Variants in SNX13 observed in about 807,000 individuals in gnomAD.
SNX13 encodes the protein sorting nexin 13, also known as sorting nexin-13.
A neutral mutation model predicts 133.6 loss-of-function variants in SNX13; 45 were observed. The observed-to-expected ratio is 0.34, with a 90% CI of 0.27 to 0.43. The LOEUF (loss-of-function observed/expected upper bound fraction) is 0.43. SNX13 is among the 20% of genes least tolerant of loss of function. SNX13 has a pLI of 1.00. For missense variants in SNX13, 1,032 were observed against 1,145.1 expected (o/e 0.90, Z 1.43); for synonymous variants, 414 against 373.9 (o/e 1.11, Z -1.24).
chr7:17,844,020 G>C (rs565686778), intron 12 of SNX13, among the ~76,000 whole-genome samples: 2 of 151,360 alleles, frequency 1.3e-5, no homozygotes, highest in South Asian at 4.2e-4. Flanking sequence ...TAAAGAAATA[G>C]AAAAAGAACA....
At chr7:17,799,513 A>G (rs1160574775) in intron 22 of SNX13, among the ~76,000 whole-genome samples, 1 of 151,822 alleles carries the variant, frequency 6.6e-6, no homozygotes, top group Non-Finnish European at 1.5e-5. Flanking sequence ...TTTCTGATGC[A>G]TCTTTTTCAC....
intron 20 of SNX13, among the ~76,000 whole-genome samples, chr7:17,806,327 G>C (rs1489455913): frequency 6.6e-6 from 1 of 152,150 alleles, no homozygotes; most frequent in African/African-American, 2.4e-5. Context: ...TACATTGTGT[G>C]ACCAAATTAA....
At chr7:17,841,569 C>CACACACAT (rs1182620411) in intron 12 of SNX13, among the ~76,000 whole-genome samples, 1 of 151,122 alleles carries the variant, frequency 6.6e-6, no homozygotes, top group East Asian at 1.9e-4. Flanking sequence ...CACACACACA[C>CACACACAT]ACACACACAC....
At chr7:17,836,872 G>C (rs1411749602) in intron 13 of SNX13, among the ~76,000 whole-genome samples, 1 of 151,848 alleles carries the variant, frequency 6.6e-6, no homozygotes, top group Non-Finnish European at 1.5e-5. Context: ...TGCAAAACAG[G>C]TATTATCTAT....
At chr7:17,870,823 A>G (rs1016360409) in intron 8 of SNX13, among the ~76,000 whole-genome samples, 1 of 152,208 alleles carries the variant, frequency 6.6e-6, no homozygotes, top group African/African-American at 2.4e-5. Flanking sequence ...CCAAATTACC[A>G]TCTTAAAATA....
At chr7:17,872,523 C>T (rs1459135770) in intron 8 of SNX13, among the ~76,000 whole-genome samples, 1 of 152,134 alleles carries the variant, frequency 6.6e-6, no homozygotes, top group Non-Finnish European at 1.5e-5. Flanking sequence ...GTCATAATGA[C>T]CAGCCCAAAT....
chr7:17,795,921 TTTAA>T (rs762350593), intron 25 of SNX13: 8 of 151,764 alleles, frequency 5.3e-5, no homozygotes, highest in South Asian at 2.1e-4. Flanking sequence ...AAATTTTTAA[TTTAA>T]TTGACAGAAG....
intron 5 of SNX13, among the ~76,000 whole-genome samples, chr7:17,884,394 G>A (rs1795732578): frequency 6.6e-6 from 1 of 152,118 alleles, no homozygotes; most frequent in Non-Finnish European, 1.5e-5. Context: ...TACCTAAGAT[G>A]ACTTTTTAAA....
intron 4 of SNX13, among the ~76,000 whole-genome samples, chr7:17,890,732 C>T (rs1796535636): frequency 6.6e-6 from 1 of 151,646 alleles, no homozygotes; most frequent in Admixed American, 6.6e-5. Flanking sequence ...AAATAAAACA[C>T]TATCTATGGC....
intron 20 of SNX13, among the ~76,000 whole-genome samples, 168 bp downstream of exon 20, chr7:17,814,666 G>A (rs1182879630): frequency 6.6e-6 from 1 of 151,982 alleles, no homozygotes; most frequent in Non-Finnish European, 1.5e-5. Context: ...GTCAAGACAG[G>A]AGTTTATATG....
intron 17 of SNX13, among the ~76,000 whole-genome samples, chr7:17,823,204 G>C (rs532185785): frequency 6.6e-5 from 10 of 152,156 alleles, no homozygotes; most frequent in South Asian, 2.1e-4. Context: ...ATGGTCTACG[G>C]CATCTGTAGA....
intron 1 of SNX13, among the ~76,000 whole-genome samples, chr7:17,926,769 C>T (rs1800796688): frequency 6.6e-6 from 1 of 152,086 alleles, no homozygotes; most frequent in Non-Finnish European, 1.5e-5. Flanking sequence ...GCCTGTAGTC[C>T]CAGCTACTTG....
At chr7:17,934,185 C>T (rs771661108) in intron 1 of SNX13, among the ~76,000 whole-genome samples, 13 of 152,136 alleles carry the variant, frequency 8.5e-5, no homozygotes, top group Non-Finnish European at 1.9e-4. Context: ...GTTTCCTCTC[C>T]TTACACATAT....
chr7:17,870,997 TTTTC>T (rs1281548835), intron 8 of SNX13, among the ~76,000 whole-genome samples: 3 of 151,508 alleles, frequency 2.0e-5, no homozygotes, highest in South Asian at 2.1e-4. Flanking sequence ...AGGAATCGGG[TTTTC>T]TTTTTTTTTT....
Position 17,875,721 on chromosome 7 carries a change from T to A in SNX13, c.510A>T (p.Arg170=). The A allele has an allele frequency of 1.9e-6, 3 of 1,612,772 alleles. No homozygotes were observed. The highest frequency in any genetic ancestry group is 2.5e-6 in the Non-Finnish European group (3 of 1,179,206). Residue 170 remains arginine (R), a synonymous_variant, in exon 6 of 26, where the codon CGA becomes CGT. Coordinates refer to ENST00000428135, the MANE Select transcript of SNX13 (RefSeq NM_015132.5). ...TTTTCTGTTGAGCCTTTCTGAATAC[T>A]CGTAAGTGTGTGCCAAAGTCATCTA... ...RIVDDFGTHL[R]VFRKAQQKIT...
At chr7:17,921,456 A>G (rs192042358) in intron 1 of SNX13, among the ~76,000 whole-genome samples, 8 of 152,250 alleles carry the variant, frequency 5.3e-5, no homozygotes, top group African/African-American at 1.9e-4. Flanking sequence ...AAACACTTCC[A>G]TATCCCCGAC....
At chr7:17,845,451 T>C (rs1790402226) in intron 12 of SNX13, 144 bp downstream of exon 12, 5 of 533,640 alleles carry the variant, frequency 9.4e-6, no homozygotes, top group South Asian at 3.2e-5. Flanking sequence ...CTGGAGACTC[T>C]GTACAACATC....
intron 12 of SNX13, among the ~76,000 whole-genome samples, chr7:17,842,445 C>A (rs916017755): frequency 6.6e-6 from 1 of 151,862 alleles, no homozygotes; most frequent in Non-Finnish European, 1.5e-5. Context: ...ACCTGCCTTG[C>A]AAAATGTGCT....
chr7:17,799,175 A>G (rs775097657), intron 22 of SNX13, 21 bp from the exon 23 acceptor site: 1 of 1,576,410 alleles, frequency 6.3e-7, no homozygotes, highest in African/African-American at 1.4e-5. Flanking sequence ...ATAAGAAATA[A>G]GAATAAGTTT....
Sources: gnomAD v4.1 joint callset for allele counts (sites outside exome capture counted in the v4.1 genomes callset) on GRCh38, gnomAD v4.1.1 for gene constraint, MANE v1.5 for transcripts, NCBI Gene and HGNC (gene_info 2026-07-23, HGNC 2026-07-21) for gene names.